Variants in ROBO2 observed in about 807,000 individuals in gnomAD.
ROBO2 encodes the protein roundabout homolog 2.
In ROBO2, 53 loss-of-function variants were observed where a neutral mutation model predicts 160.8. The observed-to-expected ratio is 0.33, with a 90% CI of 0.26 to 0.41. The LOEUF (loss-of-function observed/expected upper bound fraction) is 0.41, where lower values mean the gene tolerates loss of function less well. Ranked by LOEUF, ROBO2 falls within the 10% of genes least tolerant of loss-of-function variation. The probability of loss-of-function intolerance (pLI) is 1.00; values close to 1 mark genes in which losing one functional copy is unlikely to be tolerated. For missense variants in ROBO2, 1,577 were observed against 1,722.4 expected (o/e 0.92, Z 1.49); for synonymous variants, 664 against 611.7 (o/e 1.09, Z -1.26).
At chr3:77,241,183 A>T (rs979518375) in intron 2 of ROBO2, among the ~76,000 whole-genome samples, 2 of 152,244 alleles carry the variant, frequency 1.3e-5, no homozygotes, top group African/African-American at 4.8e-5. Context: ...AGACATATAC[A>T]TTCACTGAAC....
intron 2 of ROBO2, among the ~76,000 whole-genome samples, chr3:76,770,740 G>A (rs2061851878): frequency 6.6e-6 from 1 of 151,234 alleles, no homozygotes; most frequent in African/African-American, 2.4e-5. Context: ...ATTTTTCAAA[G>A]GACCATAAGT....
At chr3:76,421,359 TTA>T (rs1423221106) in intron 2 of ROBO2, among the ~76,000 whole-genome samples, 4 of 152,220 alleles carry the variant, frequency 2.6e-5, no homozygotes, top group African/African-American at 9.6e-5. Context: ...ATTGAAATCG[TTA>T]ATTATTTTTA....
chr3:76,287,790 G>A (rs949032833), intron 2 of ROBO2, among the ~76,000 whole-genome samples: 3 of 152,212 alleles, frequency 2.0e-5, no homozygotes, highest in African/African-American at 7.2e-5. Flanking sequence ...TAGGGTTGCT[G>A]TGAGAAATAA....
intron 2 of ROBO2, among the ~76,000 whole-genome samples, chr3:76,623,938 C>T (rs2089423705): frequency 6.6e-6 from 1 of 152,034 alleles, no homozygotes; most frequent in South Asian, 2.1e-4. Flanking sequence ...CATAAGACTA[C>T]ATTTAGTATA....
At chr3:77,299,300 C>T (rs1406559203) in intron 2 of ROBO2, among the ~76,000 whole-genome samples, 1 of 152,064 alleles carries the variant, frequency 6.6e-6, no homozygotes, top group Non-Finnish European at 1.5e-5. Context: ...GTAAAAGCAA[C>T]TTAAGAGAGA....
intron 2 of ROBO2, among the ~76,000 whole-genome samples, chr3:76,502,925 T>G (rs2080549411): frequency 6.6e-6 from 1 of 152,022 alleles, no homozygotes. Context: ...CATTAAAAAT[T>G]TTAGCTTTCA....
intron 2 of ROBO2, among the ~76,000 whole-genome samples, chr3:77,273,216 C>G (rs994293758): frequency 6.6e-6 from 1 of 152,066 alleles, no homozygotes; most frequent in African/African-American, 2.4e-5. Flanking sequence ...CACATATACA[C>G]TATGGGATAT....
At chr3:77,193,248 A>G (rs1362220840) in intron 2 of ROBO2, among the ~76,000 whole-genome samples, 1 of 151,416 alleles carries the variant, frequency 6.6e-6, no homozygotes, top group African/African-American at 2.4e-5. Context: ...TGGCATGAGG[A>G]CCTACCAAGA....
intron 2 of ROBO2, among the ~76,000 whole-genome samples, chr3:76,688,025 T>A (rs2092720390): frequency 6.6e-6 from 1 of 152,162 alleles, no homozygotes; most frequent in African/African-American, 2.4e-5. Flanking sequence ...CAAATTATAT[T>A]TTTTCTCCTT....
chr3:76,388,812 T>A (rs2077016008), intron 2 of ROBO2, among the ~76,000 whole-genome samples: 1 of 152,150 alleles, frequency 6.6e-6, no homozygotes, highest in Admixed American at 6.5e-5. Flanking sequence ...ATCTATTCCA[T>A]AAATATTTAT....
At chr3:77,590,822 C>T (rs976811553) in intron 17 of ROBO2, among the ~76,000 whole-genome samples, 1 of 151,996 alleles carries the variant, frequency 6.6e-6, no homozygotes, top group African/African-American at 2.4e-5. Flanking sequence ...CTTTGCACAA[C>T]CTATGCACTT....
At chr3:77,018,014 G>A (rs571861092) in intron 2 of ROBO2, among the ~76,000 whole-genome samples, 7 of 152,180 alleles carry the variant, frequency 4.6e-5, no homozygotes, top group African/African-American at 7.2e-5. Context: ...CCCAAATCTC[G>A]TGATATCGCC....
At chr3:77,454,814 T>C (rs1392445992) in intron 2 of ROBO2, among the ~76,000 whole-genome samples, 1 of 152,176 alleles carries the variant, frequency 6.6e-6, no homozygotes, top group African/African-American at 2.4e-5. Flanking sequence ...CATTCATTTG[T>C]GGTAGAGGTT....
chr3:76,143,614 A>G (rs1377638164), intron 2 of ROBO2, among the ~76,000 whole-genome samples: 1 of 152,026 alleles, frequency 6.6e-6, no homozygotes, highest in African/African-American at 2.4e-5. Flanking sequence ...CCCCAAAGCC[A>G]ATTCAAAAAC....
At chr3:76,781,168 TTGA>T (rs2062620867) in intron 2 of ROBO2, among the ~76,000 whole-genome samples, 1 of 150,800 alleles carries the variant, frequency 6.6e-6, no homozygotes, top group Non-Finnish European at 1.5e-5. Context: ...TTTATTCCTT[TTGA>T]TGATATTATA....
intron 2 of ROBO2, among the ~76,000 whole-genome samples, chr3:76,875,016 A>C (rs2072550308): frequency 6.6e-6 from 1 of 152,186 alleles, no homozygotes; most frequent in African/African-American, 2.4e-5. Flanking sequence ...TGATGTGTTG[A>C]ATGAAACTAA....
chr3:76,834,000 T>TC (rs2067315900), intron 2 of ROBO2, among the ~76,000 whole-genome samples: 1 of 131,622 alleles, frequency 7.6e-6, no homozygotes, highest in South Asian at 2.8e-4. Context: ...TTTCTTTCCT[T>TC]CTTTCTTTCT....
At chr3:77,475,659 A>G (rs754925033) in intron 2 of ROBO2, among the ~76,000 whole-genome samples, 8 of 152,166 alleles carry the variant, frequency 5.3e-5, no homozygotes, top group Non-Finnish European at 1.0e-4. Context: ...CCCTGTTACC[A>G]TATTTTTGCA....
At chr3:76,993,230 C>T (rs141681961) in intron 2 of ROBO2, among the ~76,000 whole-genome samples, 1 of 152,142 alleles carries the variant, frequency 6.6e-6, no homozygotes, top group African/African-American at 2.4e-5. Context: ...CAATTTTTGT[C>T]TCATCTTCTA....
Sources: gnomAD v4.1 joint callset for allele counts (sites outside exome capture counted in the v4.1 genomes callset) on GRCh38, gnomAD v4.1.1 for gene constraint, MANE v1.5 for transcripts, NCBI Gene and HGNC (gene_info 2026-07-23, HGNC 2026-07-21) for gene names.